Variants in PRKCH observed in about 807,000 individuals in gnomAD.
PRKCH encodes protein kinase C eta type.
A neutral mutation model predicts 82.5 loss-of-function variants in PRKCH; 28 were observed. That is an observed-to-expected ratio of 0.34 (90% CI 0.25 to 0.47). The LOEUF is 0.47. Among genes scored for constraint, PRKCH ranks in the 20% least tolerant of loss-of-function variants. PRKCH has a pLI of 1.00. For synonymous variants in PRKCH, 322 were observed against 327.4 expected (o/e 0.98, Z 0.18); for missense variants, 705 against 881.8 (o/e 0.80, Z 2.54).
intron 1 of PRKCH, among the ~76,000 whole-genome samples, chr14:61,228,202 G>C (rs2044712824): frequency 6.6e-6 from 1 of 152,190 alleles, no homozygotes; most frequent in South Asian, 2.1e-4. Flanking sequence ...CTTGGCCATT[G>C]AATCCCGAGG....
intron 2 of PRKCH, among the ~76,000 whole-genome samples, chr14:61,427,518 A>C (rs1322722374): frequency 6.6e-6 from 1 of 152,174 alleles, no homozygotes; most frequent in African/African-American, 2.4e-5. Context: ...GATGCTTTGC[A>C]GGGTCATTTC....
chr14:61,319,178 G>A (rs910974257), upstream of PRKCH, among the ~76,000 whole-genome samples: 5 of 152,110 alleles, frequency 3.3e-5, no homozygotes, highest in Non-Finnish European at 5.9e-5. Flanking sequence ...CTCCAGCCAC[G>A]CCTTCCTCAG....
chr14:61,446,120 C>T (rs537729170), intron 4 of PRKCH, among the ~76,000 whole-genome samples: 9 of 150,494 alleles, frequency 6.0e-5, no homozygotes, highest in Admixed American at 2.6e-4. Flanking sequence ...TCTTTTTCCC[C>T]GTCCAGGGAA....
intron 12 of PRKCH, among the ~76,000 whole-genome samples, chr14:61,537,169 C>T (rs1488422885): frequency 6.6e-6 from 1 of 152,174 alleles, no homozygotes; most frequent in East Asian, 1.9e-4. Flanking sequence ...CTCATCTTTG[C>T]TTCAAATGTT....
intron 4 of PRKCH, among the ~76,000 whole-genome samples, chr14:61,448,278 A>G (rs1284250404): frequency 6.6e-6 from 1 of 151,848 alleles, no homozygotes; most frequent in East Asian, 1.9e-4. Flanking sequence ...GAAAGATCTT[A>G]AGATGATATA....
At chr14:61,242,312 C>T (rs1388486658) in intron 1 of PRKCH, among the ~76,000 whole-genome samples, 2 of 152,146 alleles carry the variant, frequency 1.3e-5, no homozygotes, top group African/African-American at 4.8e-5. Context: ...TTGGAACACC[C>T]AAAGCCTAGT....
intron 2 of PRKCH, among the ~76,000 whole-genome samples, chr14:61,396,743 G>A (rs2046789516): frequency 6.6e-6 from 1 of 152,178 alleles, no homozygotes; most frequent in Admixed American, 6.5e-5. Context: ...ACGAAAAGGA[G>A]TGTGGAGGTG....
At chr14:61,465,393 T>C (rs1156529244) in intron 9 of PRKCH, among the ~76,000 whole-genome samples, 1 of 152,204 alleles carries the variant, frequency 6.6e-6, no homozygotes, top group Non-Finnish European at 1.5e-5. Context: ...TTTTCAGTGA[T>C]TTTTTTATGT....
intron 1 of PRKCH, among the ~76,000 whole-genome samples, chr14:61,191,759 C>A (rs140372987): frequency 6.6e-6 from 1 of 152,214 alleles, no homozygotes; most frequent in South Asian, 2.1e-4. Context: ...TTGTTTAGAG[C>A]CTTTGGCTTT....
At chr14:61,515,065 A>T (rs1413564106) in intron 10 of PRKCH, among the ~76,000 whole-genome samples, 1 of 152,182 alleles carries the variant, frequency 6.6e-6, no homozygotes, top group Non-Finnish European at 1.5e-5. Context: ...AACAGTGAAA[A>T]ATTTAAGAAG....
intron 12 of PRKCH, among the ~76,000 whole-genome samples, chr14:61,540,047 G>A (rs2140027015): frequency 6.6e-6 from 1 of 152,328 alleles, no homozygotes; most frequent in South Asian, 2.1e-4. Context: ...ACAGCTCTTT[G>A]AGTATTTGAA....
chr14:61,198,579 C>T (rs531962278), intron 1 of PRKCH, among the ~76,000 whole-genome samples: 2 of 152,268 alleles, frequency 1.3e-5, no homozygotes, highest in South Asian at 4.2e-4. Context: ...ATGATCTCCC[C>T]ACAGTTAGCG....
intron 2 of PRKCH, among the ~76,000 whole-genome samples, chr14:61,441,519 T>A (rs1883972260): frequency 6.6e-6 from 1 of 152,198 alleles, no homozygotes. Context: ...TATGCGTCCG[T>A]CTTGGGTAGC....
At chr14:61,219,292 TAAG>T (rs2044637728) in intron 1 of PRKCH, among the ~76,000 whole-genome samples, 2 of 152,236 alleles carry the variant, frequency 1.3e-5, no homozygotes, top group South Asian at 4.1e-4. Flanking sequence ...TTCATATAAA[TAAG>T]AAATCTTTTA....
Position 61,530,461 on chromosome 14 carries a change from T to C in PRKCH, c.1627T>C (p.Leu543=). ...PAVDWWAMGV[L]LYEMLCGHAP... ...AGTAGACTGGTGGGCAATGGGCGTG[T>C]TGCTCTATGAGATGCTCTGTGGTCA... The change falls in exon 12 of 14, where the codon TTG becomes CTG. Residue 543 remains leucine, a synonymous_variant. Coordinates refer to ENST00000332981, the MANE Select transcript of PRKCH (RefSeq NM_006255.5). 3 of 1,610,700 alleles carry C rather than the reference T, an allele frequency of 1.9e-6. No homozygotes were observed. The highest frequency in any genetic ancestry group is 2.5e-6 in the Non-Finnish European group (3 of 1,178,418).
chr14:61,255,845 C>T lies in PRKCH; in HGVS notation c.-19+68177C>T, dbSNP rs934200092. Among the ~76,000 whole-genome samples, 7 of 152,080 alleles carry T rather than the reference C, an allele frequency of 4.6e-5. No individual in the cohort carries two copies. The South Asian group carries it at 6.2e-4, about 14-fold the overall frequency. ...GGGAGTGCCAAATTTCCTAATAATA[C>T]GATACCCTAGAGTGAACATATATAC... is the stretch of plus-strand genomic sequence containing the variant. On this transcript the variant is annotated intron_variant, in intron 1 of 3. Transcript: ENST00000555185.
At chr14:61,216,723 T>G (rs2044618903) in intron 1 of PRKCH, among the ~76,000 whole-genome samples, 1 of 152,198 alleles carries the variant, frequency 6.6e-6, no homozygotes, top group African/African-American at 2.4e-5. Context: ...GATGTTGTCA[T>G]GTGGATGGTT....
intron 1 of PRKCH, among the ~76,000 whole-genome samples, chr14:61,331,708 G>T (rs184396638): frequency 2.4e-3 from 365 of 152,258 alleles, no homozygotes; most frequent in Non-Finnish European, 4.2e-3. Flanking sequence ...GCACTAAACG[G>T]TCTCCAAAGA....
At chr14:61,397,166 A>C (rs1245001539) in intron 2 of PRKCH, among the ~76,000 whole-genome samples, 1 of 151,946 alleles carries the variant, frequency 6.6e-6, no homozygotes, top group East Asian at 1.9e-4. Flanking sequence ...GAGGAGGGGG[A>C]CAGCTTTGAG....
Sources: gnomAD v4.1 joint callset for allele counts (sites outside exome capture counted in the v4.1 genomes callset) on GRCh38, gnomAD v4.1.1 for gene constraint, MANE v1.5 for transcripts, NCBI Gene and HGNC (gene_info 2026-07-23, HGNC 2026-07-21) for gene names.